Variants in HSPA12A observed in about 807,000 individuals in gnomAD.
HSPA12A encodes the protein heat shock protein family A (Hsp70) member 12A.
Under a neutral mutation model 69.2 loss-of-function variants are expected in HSPA12A, and 28 were observed. The ratio of observed to expected loss-of-function variants is 0.40; its 90% CI spans 0.30 to 0.55. The LOEUF is 0.55. Among genes scored for constraint, HSPA12A ranks in the 20% least tolerant of loss-of-function variants. The probability of loss-of-function intolerance (pLI) is 0.38; values close to 1 mark genes in which losing one functional copy is unlikely to be tolerated. For missense variants in HSPA12A, 686 were observed against 900.7 expected (o/e 0.76, Z 3.05); for synonymous variants, 345 against 370.5 (o/e 0.93, Z 0.79).
Position 116,698,688 on chromosome 10 carries a change from C to G in HSPA12A, c.493G>C (p.Ala165Pro). ...LTAANGKKVK[A>P]LEIFAYALQY... is the part of the protein sequence containing the mutation. ...AGGGCATAAGCAAAGATTTCAAGGGCTTTGACTTTCTTGCCATTTGCTGCC... is the reference window on the plus strand; with the variant it reads ...AGGGCATAAGCAAAGATTTCAAGGGGTTTGACTTTCTTGCCATTTGCTGCC... Residue 165 changes from alanine to proline, a missense_variant, in exon 5 of 12, where the codon GCC becomes CCC. By Grantham distance (27) the Ala-to-Pro change is conservative. Transcript: ENST00000369209. 1 of 1,614,126 alleles carries G rather than the reference C, an allele frequency of 6.2e-7. No individual in the cohort carries two copies. Among genetic ancestry groups the G allele is most frequent in the Non-Finnish European group, 8.5e-7 (1 of 1,179,956 alleles).
intron 2 of HSPA12A, among the ~76,000 whole-genome samples, chr10:116,806,951 T>C (rs560324072): frequency 6.6e-6 from 1 of 152,300 alleles, no homozygotes; most frequent in South Asian, 2.1e-4. Context: ...GCAAGCGTCT[T>C]TGCAGGAGAC....
In HSPA12A at chr10:116,726,396, C is replaced by T. The variant is rs370207231; in HGVS notation, c.40+16034G>A. Among the ~76,000 whole-genome samples, 3 of 152,156 alleles carry T rather than the reference C, an allele frequency of 2.0e-5. 1 individual carries two copies. The highest frequency in any genetic ancestry group is 1.3e-4 in the Admixed American group (2 of 15,284). On this transcript the variant is annotated intron_variant, in intron 1 of 11. Transcript: ENST00000369209. ...GCTGCTCACTCTACCTCTCTCCCCA[C>T]GCATGCATGCACATTCAGAGTTATA...
At chr10:116,772,118 TG>T (rs1799627611) in intron 2 of HSPA12A, among the ~76,000 whole-genome samples, 1 of 152,106 alleles carries the variant, frequency 6.6e-6, no homozygotes, top group South Asian at 2.1e-4. Context: ...GCGAGGATGA[TG>T]GTGTTCCCGC....
At chr10:116,721,527 T>G (rs1191814450) in intron 1 of HSPA12A, among the ~76,000 whole-genome samples, 1 of 152,210 alleles carries the variant, frequency 6.6e-6, no homozygotes, top group Non-Finnish European at 1.5e-5. Context: ...TAAATTTTGA[T>G]GAGCTTTTGA....
intron 1 of HSPA12A, among the ~76,000 whole-genome samples, chr10:116,836,829 C>A (rs1242845090): frequency 6.6e-6 from 1 of 151,694 alleles, no homozygotes; most frequent in Non-Finnish European, 1.5e-5. Flanking sequence ...AAAATTACAT[C>A]TATTCGTTCA....
intron 1 of HSPA12A, among the ~76,000 whole-genome samples, chr10:116,837,212 T>G (rs1845730125): frequency 6.6e-6 from 1 of 152,184 alleles, no homozygotes; most frequent in Non-Finnish European, 1.5e-5. Context: ...TGAACCTGCC[T>G]ACAAAATAAA....
intron 1 of HSPA12A, among the ~76,000 whole-genome samples, chr10:116,726,075 G>A (rs555887095): frequency 8.6e-5 from 12 of 138,948 alleles, no homozygotes; most frequent in Non-Finnish European, 1.6e-4. Flanking sequence ...GCAGGACAAG[G>A]TGAATTCTGA....
chr10:116,844,875 T>C (rs536674292), intron 1 of HSPA12A, among the ~76,000 whole-genome samples: 2 of 152,262 alleles, frequency 1.3e-5, no homozygotes, highest in Non-Finnish European at 2.9e-5. Flanking sequence ...AACAAATACG[T>C]CTTTATTCAC....
chr10:116,775,562 T>C (rs1042043208), intron 2 of HSPA12A, among the ~76,000 whole-genome samples: 1 of 152,184 alleles, frequency 6.6e-6, no homozygotes, highest in Non-Finnish European at 1.5e-5. Flanking sequence ...ATACTGACTT[T>C]CAGGGCACCC....
At chr10:116,739,108 C>T (rs1194147431) in intron 1 of HSPA12A, among the ~76,000 whole-genome samples, 2 of 152,178 alleles carry the variant, frequency 1.3e-5, no homozygotes, top group Non-Finnish European at 2.9e-5. Context: ...CAGGCCTACT[C>T]AACACAAGTC....
intron 2 of HSPA12A, among the ~76,000 whole-genome samples, chr10:116,826,439 ACT>A (rs1159565908): frequency 2.6e-5 from 4 of 152,164 alleles, no homozygotes; most frequent in Non-Finnish European, 5.9e-5. Flanking sequence ...AAAGCCAGAA[ACT>A]ACAAGCAGAT....
At chr10:116,813,647 G>A (rs1361024561) in intron 2 of HSPA12A, among the ~76,000 whole-genome samples, 1 of 152,152 alleles carries the variant, frequency 6.6e-6, no homozygotes, top group Non-Finnish European at 1.5e-5. Context: ...GGGAGGCCAA[G>A]GCGGGAGGAT....
chr10:116,849,179 C>T (rs1845971392), intron 1 of HSPA12A, among the ~76,000 whole-genome samples: 1 of 152,180 alleles, frequency 6.6e-6, no homozygotes, highest in South Asian at 2.1e-4. Context: ...CGCTGGGCCA[C>T]TGGGACCCGA....
chr10:116,702,122 C>CAGAGAG (rs60517749), intron 3 of HSPA12A, among the ~76,000 whole-genome samples: 167 of 149,324 alleles, frequency 1.1e-3, no homozygotes, highest in African/African-American at 3.9e-3. Flanking sequence ...AAAGAAATGA[C>CAGAGAG]AGAGAGAGAG....
At chr10:116,740,679 T>C (rs1049479140) in intron 1 of HSPA12A, among the ~76,000 whole-genome samples, 1 of 60,164 alleles carries the variant, frequency 1.7e-5, no homozygotes, top group African/African-American at 7.0e-5. Flanking sequence ...TGTGTGTCTG[T>C]GTGTGTGTGT....
intron 2 of HSPA12A, 48 bp downstream of exon 2, chr10:116,707,152 C>CACCCAT: frequency 4.0e-6 from 1 of 252,740 alleles, no homozygotes; most frequent in South Asian, 7.8e-5. Context: ...CACCCATGCG[C>CACCCAT]GCACACACAC....
At chr10:116,731,245 CCTT>C (rs1851143950) in intron 1 of HSPA12A, among the ~76,000 whole-genome samples, 1 of 152,214 alleles carries the variant, frequency 6.6e-6, no homozygotes, top group Non-Finnish European at 1.5e-5. Context: ...AGTAAGTAAA[CCTT>C]CTCTGGCCAG....
intron 2 of HSPA12A, among the ~76,000 whole-genome samples, chr10:116,776,533 C>A (rs1011497200): frequency 1.3e-5 from 2 of 152,088 alleles, no homozygotes; most frequent in Non-Finnish European, 1.5e-5. Context: ...TAACAAAACC[C>A]GGCATTCAAG....
At chr10:116,834,205 T>C (rs1410590379) in intron 2 of HSPA12A, among the ~76,000 whole-genome samples, 11 of 152,190 alleles carry the variant, frequency 7.2e-5, no homozygotes, top group Admixed American at 7.2e-4. Flanking sequence ...TTGTCACCGG[T>C]TGCACTGGGA....
Sources: gnomAD v4.1 joint callset for allele counts (sites outside exome capture counted in the v4.1 genomes callset) on GRCh38, gnomAD v4.1.1 for gene constraint, MANE v1.5 for transcripts, NCBI Gene and HGNC (gene_info 2026-07-23, HGNC 2026-07-21) for gene names.